The following COA1 variants were observed in gnomAD, a reference collection of about 807,000 sequenced individuals.
COA1 encodes cytochrome c oxidase assembly factor 1, also known as cytochrome c oxidase assembly factor 1 homolog.
COA1 carries 13 observed loss-of-function variants against 16.0 expected under a neutral mutation model. That is an observed-to-expected ratio of 0.81 (90% CI 0.53 to 1.29). The LOEUF is 1.29. COA1 is among the 50% of genes most tolerant of loss of function. COA1 has a pLI of 0.00. For missense variants in COA1, 179 were observed against 177.0 expected (o/e 1.01, Z -0.06); for synonymous variants, 65 against 65.7 (o/e 0.99, Z 0.05).
intron 1 of COA1, among the ~76,000 whole-genome samples, chr7:43,701,521 G>A (rs1160207174): frequency 6.6e-6 from 1 of 152,140 alleles, no homozygotes; most frequent in African/African-American, 2.4e-5. Context: ...ACCACTGATG[G>A]GCACCTGGGT....
intron 6 of COA1, chr7:43,625,455 AAT>A (rs1469597471): frequency 2.0e-5 from 3 of 152,056 alleles, no homozygotes; most frequent in African/African-American, 7.2e-5. Context: ...GAAAAACCCT[AAT>A]TTTTTTTCTC....
chr7:43,701,221 C>T (rs149016866), intron 1 of COA1, among the ~76,000 whole-genome samples: 1 of 152,082 alleles, frequency 6.6e-6, no homozygotes, highest in East Asian at 1.9e-4. Flanking sequence ...AAGCATAGTA[C>T]CCAATAGGTA....
chr7:43,701,677 C>T (rs529372713), intron 1 of COA1, among the ~76,000 whole-genome samples: 1 of 152,294 alleles, frequency 6.6e-6, no homozygotes, highest in African/African-American at 2.4e-5. Flanking sequence ...AACTGCTTTC[C>T]ATAATGGTTG....
At chr7:43,617,564 C>T (rs6968206) in intron 6 of COA1, among the ~76,000 whole-genome samples, 2,887 of 152,188 alleles carry the variant, frequency 0.019, 98 homozygotes, top group African/African-American at 0.066. Context: ...TTCACTGAGA[C>T]GCCTGTCATT....
At position 43,647,440 on chromosome 7, in the gene COA1, TA is replaced by T. The variant is rs755715167; in HGVS notation, c.115+94del. 10 of 901,894 alleles carry T rather than the reference TA, an allele frequency of 1.1e-5. No individual in the cohort carries two copies. In the African/African-American group the frequency reaches 1.5e-4, roughly 13 times the overall value. 55.9% of individuals were successfully genotyped at this position (901,894 alleles called of 1,614,324 possible). ...TAAAATCACCCTCTCCTCCTTTCTC[TA>T]ATCTAAACAAAGCATCTCAAGTATT... On this transcript the variant is annotated intron_variant, in intron 3 of 5. Transcript: ENST00000223336.
At chr7:43,679,451 A>T (rs1165965448) in intron 1 of COA1, among the ~76,000 whole-genome samples, 1 of 152,118 alleles carries the variant, frequency 6.6e-6, no homozygotes, top group Non-Finnish European at 1.5e-5. Context: ...ACCAAGATAG[A>T]AATAAAGCTG....
At chr7:43,707,837 C>T (rs1465688038) in intron 1 of COA1, among the ~76,000 whole-genome samples, 4 of 152,210 alleles carry the variant, frequency 2.6e-5, no homozygotes, top group African/African-American at 9.6e-5. Context: ...TTCTTATACA[C>T]ACTACTTCAA....
chr7:43,716,422 G>A (rs2095396028), intron 1 of COA1, among the ~76,000 whole-genome samples: 1 of 152,180 alleles, frequency 6.6e-6, no homozygotes, highest in Non-Finnish European at 1.5e-5. Flanking sequence ...GCAAGAGACT[G>A]GCAGCATTTT....
chr7:43,619,858 TGGA>T, intron 6 of COA1: 1 of 1,212,402 alleles, frequency 8.2e-7, no homozygotes, highest in South Asian at 1.5e-5. Flanking sequence ...TCTATTCCTT[TGGA>T]TTACATTTTA....
intron 1 of COA1, among the ~76,000 whole-genome samples, chr7:43,701,087 T>C (rs2094718335): frequency 6.6e-6 from 1 of 152,212 alleles, no homozygotes; most frequent in South Asian, 2.1e-4. Flanking sequence ...CACAAAATTA[T>C]CTTTTTTACT....
chr7:43,694,666 A>G (rs1461784733), intron 1 of COA1, among the ~76,000 whole-genome samples: 1 of 151,912 alleles, frequency 6.6e-6, no homozygotes, highest in African/African-American at 2.4e-5. Flanking sequence ...TATCCTCCCA[A>G]CTCTAAACAC....
intron 1 of COA1, among the ~76,000 whole-genome samples, chr7:43,654,742 C>T (rs2091445410): frequency 1.3e-5 from 2 of 152,090 alleles, no homozygotes; most frequent in Non-Finnish European, 2.9e-5. Context: ...AAAAATGATA[C>T]TAAAAGAAAA....
At chr7:43,637,657 C>T (rs2086126993), downstream of COA1, among the ~76,000 whole-genome samples, 1 of 152,148 alleles carries the variant, frequency 6.6e-6, no homozygotes, top group Middle Eastern at 3.2e-3. Context: ...CAAGTTCCAG[C>T]CTGTTCAGAA....
chr7:43,726,768 T>C (rs2095625247), intron 1 of COA1, among the ~76,000 whole-genome samples: 1 of 152,154 alleles, frequency 6.6e-6, no homozygotes, highest in Non-Finnish European at 1.5e-5. Context: ...GGTAGCATAA[T>C]CTAAAAGACT....
At chr7:43,691,528 AAGTC>A (rs1202280436) in intron 1 of COA1, among the ~76,000 whole-genome samples, 1 of 152,162 alleles carries the variant, frequency 6.6e-6, no homozygotes, top group Non-Finnish European at 1.5e-5. Context: ...CAAATGCAGA[AAGTC>A]AGAATCATGA....
rs559296227 is a variant in COA1 at position 43,623,765 on chromosome 7, A to G, written c.*134-14270T>C. ...ACAGGAATATCACCTTTCTTAGGCA[A>G]TGATAAACAAGAAACATTCTTAAAC... On this transcript the variant is annotated intron_variant and NMD_transcript_variant, in intron 6 of 6. Transcript: ENST00000415076. 105 of 1,608,040 alleles carry G rather than the reference A, an allele frequency of 6.5e-5. 1 individual carries two copies. The highest frequency in any genetic ancestry group is 2.9e-4 in the South Asian group (26 of 89,132).
At chr7:43,723,793 G>A (rs2095556824) in intron 1 of COA1, among the ~76,000 whole-genome samples, 1 of 152,130 alleles carries the variant, frequency 6.6e-6, no homozygotes, top group Non-Finnish European at 1.5e-5. Flanking sequence ...CCGGCGTGGT[G>A]GCATGTGCCT....
At chr7:43,682,888 C>T (rs1452411222) in intron 1 of COA1, among the ~76,000 whole-genome samples, 4 of 152,142 alleles carry the variant, frequency 2.6e-5, no homozygotes, top group Non-Finnish European at 5.9e-5. Context: ...CTTGCTCTGT[C>T]GCCCAGGCTG....
At chr7:43,654,002 G>A (rs1244289321) in intron 1 of COA1, among the ~76,000 whole-genome samples, 11 of 152,100 alleles carry the variant, frequency 7.2e-5, no homozygotes, top group African/African-American at 2.7e-4. Flanking sequence ...GGGCCTGCTT[G>A]GAACCATAAC....
Sources: gnomAD v4.1 joint callset for allele counts (sites outside exome capture counted in the v4.1 genomes callset) on GRCh38, gnomAD v4.1.1 for gene constraint, MANE v1.5 for transcripts, NCBI Gene and HGNC (gene_info 2026-07-23, HGNC 2026-07-21) for gene names.